Variants in NTM observed in about 807,000 individuals in gnomAD.
NTM encodes IgLON family member 2.
A neutral mutation model predicts 42.1 loss-of-function variants in NTM; 13 were observed. That is an observed-to-expected ratio of 0.31 (90% confidence interval 0.20 to 0.49). The LOEUF is 0.49. NTM is among the 20% of genes least tolerant of loss of function. The pLI is 0.99. For synonymous variants in NTM, 187 were observed against 179.2 expected, an observed-to-expected ratio of 1.04 and a Z score of -0.35; for missense variants, 373 against 452.8, an observed-to-expected ratio of 0.82 and a Z score of 1.60.
chr11:131,888,096 T>C (rs934403282), intron 1 of NTM, among the ~76,000 whole-genome samples: 2 of 152,144 alleles, frequency 1.3e-5, no homozygotes, highest in African/African-American at 4.8e-5. Context: ...AAATTAGGAC[T>C]TCGAGACCAG....
At chr11:132,290,984 T>C (rs1591783461) in intron 4 of NTM, among the ~76,000 whole-genome samples, 1 of 151,952 alleles carries the variant, frequency 6.6e-6, no homozygotes, top group South Asian at 2.1e-4. Context: ...TGTGGGAAAA[T>C]GTGAGGAAGA....
intron 1 of NTM, among the ~76,000 whole-genome samples, chr11:131,499,821 A>C (rs1278838924): frequency 3.3e-5 from 5 of 152,192 alleles, no homozygotes; most frequent in African/African-American, 9.7e-5. Flanking sequence ...TGCGCTCTGC[A>C]TTTACCCTGT....
At chr11:131,878,800 T>C (rs2048997270) in intron 1 of NTM, among the ~76,000 whole-genome samples, 1 of 151,640 alleles carries the variant, frequency 6.6e-6, no homozygotes, top group Non-Finnish European at 1.5e-5. Context: ...TGCTGGCTGA[T>C]GCTGCACTCA....
chr11:131,846,161 T>C (rs1000375716), intron 1 of NTM, among the ~76,000 whole-genome samples: 1 of 152,190 alleles, frequency 6.6e-6, no homozygotes, highest in Non-Finnish European at 1.5e-5. Flanking sequence ...GCAAGCGTCA[T>C]TCCTGTTAAT....
chr11:131,931,501 G>GTGTT (rs1353027491), intron 2 of NTM, among the ~76,000 whole-genome samples: 1 of 150,966 alleles, frequency 6.6e-6, no homozygotes, highest in African/African-American at 2.4e-5. Flanking sequence ...GTGTGTGTGT[G>GTGTT]TGTATGTGTG....
At chr11:132,267,673 G>C (rs562377631) in intron 4 of NTM, among the ~76,000 whole-genome samples, 3 of 151,716 alleles carry the variant, frequency 2.0e-5, no homozygotes, top group Non-Finnish European at 2.9e-5. Flanking sequence ...AAAATTATCC[G>C]GGCATGGTGG....
At chr11:132,095,617 T>A (rs1485481754) in intron 2 of NTM, among the ~76,000 whole-genome samples, 1 of 152,178 alleles carries the variant, frequency 6.6e-6, no homozygotes, top group African/African-American at 2.4e-5. Context: ...CTGAGTTTTC[T>A]CTTCAGTAGT....
chr11:132,322,972 T>A (rs1408776998), intron 7 of NTM, among the ~76,000 whole-genome samples: 8 of 139,596 alleles, frequency 5.7e-5, no homozygotes, highest in African/African-American at 2.1e-4. Flanking sequence ...AGATGTTCTT[T>A]GAAACCAATG....
chr11:131,403,311 A>C (rs1351655819), intron 1 of NTM, among the ~76,000 whole-genome samples: 1 of 151,924 alleles, frequency 6.6e-6, no homozygotes, highest in Non-Finnish European at 1.5e-5. Flanking sequence ...CCAGTTTTTC[A>C]CTCCATTCCT....
At chr11:132,095,491 A>G (rs1030386096) in intron 2 of NTM, among the ~76,000 whole-genome samples, 3 of 152,182 alleles carry the variant, frequency 2.0e-5, no homozygotes, top group Non-Finnish European at 2.9e-5. Flanking sequence ...AGGCATAGAG[A>G]GAAACAGACT....
intron 2 of NTM, among the ~76,000 whole-genome samples, chr11:131,932,224 C>A (rs1478297758): frequency 6.6e-6 from 1 of 152,150 alleles, no homozygotes; most frequent in Admixed American, 6.5e-5. Flanking sequence ...AAAATACATA[C>A]AAAACATAGA....
intron 2 of NTM, among the ~76,000 whole-genome samples, chr11:131,931,468 C>CGTGTGTGTGTGTGT (rs147069139): frequency 7.0e-6 from 1 of 142,604 alleles, no homozygotes; most frequent in Admixed American, 7.1e-5. Context: ...ATAATATATA[C>CGTGTGTGTGTGTGT]GTGTGTGTGT....
intron 3 of NTM, among the ~76,000 whole-genome samples, chr11:132,184,826 C>T (rs945534284): frequency 1.6e-4 from 25 of 152,318 alleles, no homozygotes; most frequent in African/African-American, 6.0e-4. Flanking sequence ...ATCCACACAG[C>T]GTCATGAACG....
intron 1 of NTM, among the ~76,000 whole-genome samples, chr11:131,670,168 T>C (rs965171645): frequency 1.2e-4 from 19 of 152,100 alleles, no homozygotes; most frequent in Non-Finnish European, 2.6e-4. Flanking sequence ...GCTGCCTCAC[T>C]CCAAGATAAC....
At chr11:131,480,631 T>C (rs759353890) in intron 1 of NTM, among the ~76,000 whole-genome samples, 6 of 152,142 alleles carry the variant, frequency 3.9e-5, no homozygotes, top group Non-Finnish European at 8.8e-5. Context: ...GGGATTCCTA[T>C]AGAGCAGATT....
intron 1 of NTM, among the ~76,000 whole-genome samples, chr11:131,579,081 G>A (rs1278710481): frequency 2.0e-5 from 3 of 152,138 alleles, no homozygotes; most frequent in Non-Finnish European, 4.4e-5. Context: ...GAGGTGTTGG[G>A]CTGCTGTTCT....
At chr11:132,078,077 C>T (rs1457559036) in intron 2 of NTM, among the ~76,000 whole-genome samples, 1 of 152,204 alleles carries the variant, frequency 6.6e-6, no homozygotes, top group Non-Finnish European at 1.5e-5. Context: ...TCTTGCCCCA[C>T]ACGAGGGGAT....
chr11:131,964,155 A>C (rs927697106), intron 2 of NTM, among the ~76,000 whole-genome samples: 3 of 152,192 alleles, frequency 2.0e-5, no homozygotes, highest in African/African-American at 4.8e-5. Flanking sequence ...GGGTGAGTGG[A>C]CATTAACCAA....
At position 131,604,746 on chromosome 11, in the gene NTM, G is replaced by A. The variant is rs534058369; in HGVS notation, c.82+233858G>A. 2.5e-3 allele frequency among the ~76,000 whole-genome samples: 372 copies of A among 150,118 alleles called. 1 individual carries two copies. The highest frequency in any genetic ancestry group is 1.0e-2 in the South Asian group (47 of 4,702). ...TTGGGGGGAGGGGGTGGGGGAGTAA[G>A]AATCCCACTTCTTTCCTTTGTATGT... is the stretch of plus-strand genomic sequence containing the variant. On this transcript the variant is annotated intron_variant, in intron 1 of 8. Coordinates refer to ENST00000683400, the MANE Select transcript of NTM (RefSeq NM_001352005.2).
Sources: gnomAD v4.1 joint callset for allele counts (sites outside exome capture counted in the v4.1 genomes callset) on GRCh38, gnomAD v4.1.1 for gene constraint, MANE v1.5 for transcripts, NCBI Gene and HGNC (gene_info 2026-07-23, HGNC 2026-07-21) for gene names.